GOLGA2: variants seen among roughly 807,000 people sequenced by gnomAD.
The protein encoded by GOLGA2 is golgin A2.
In GOLGA2, 49 loss-of-function variants were observed where a neutral mutation model predicts 148.8. The ratio of observed to expected loss-of-function variants is 0.33; its 90% CI spans 0.26 to 0.42. The LOEUF is 0.42. GOLGA2 is among the 10% of genes least tolerant of loss of function. The pLI is 1.00. For missense variants in GOLGA2, 1,178 were observed against 1,304.6 expected (o/e 0.90, Z 1.49); for synonymous variants, 501 against 511.8 (o/e 0.98, Z 0.28).
At position 128,265,610 on chromosome 9, in the gene GOLGA2, G is replaced by A; in HGVS notation, c.908C>T (p.Ser303Phe). The A allele has an allele frequency of 3.7e-6, 6 of 1,612,748 alleles. No individual in the cohort carries two copies. Among genetic ancestry groups the A allele is most frequent in the Non-Finnish European group, 5.1e-6 (6 of 1,179,048 alleles). Residue 303 changes from serine to phenylalanine, a missense_variant, in exon 12 of 27, where the codon TCC (serine) becomes TTC (phenylalanine). Transcript: ENST00000611957. The stretch of plus-strand genomic sequence containing the variant: ...CCTGTCTGCCTTCTTCTGCTGCGTG[G>A]AGACAGCAGAGAGAGCCCGCTCCAA... ...GELERALSAV[S>F]TQQKKADRYN...
At position 128,257,677 on chromosome 9, in the gene GOLGA2, C is replaced by G; in HGVS notation, c.2642G>C (p.Arg881Thr). ...CCGGTGCCGCTCCTTCAGCACTGCCCTCTGGCTCTGGTACAGTGCAATGTA... is the reference window on the plus strand; with the variant it reads ...CCGGTGCCGCTCCTTCAGCACTGCCGTCTGGCTCTGGTACAGTGCAATGTA... Reference protein sequence around the residue: ...GEYIALYQSQRAVLKERHREK... With the variant: ...GEYIALYQSQTAVLKERHREK... The change falls in exon 25 of 27, where the codon AGG (arginine) becomes ACG (threonine). Residue 881 changes from arginine (R) to threonine (T), a missense_variant. Coordinates refer to ENST00000611957, the MANE Select transcript of GOLGA2 (RefSeq NM_001366244.2). This position sits in a 1 kb window ranked among gnomAD's most constrained non-coding sequence, Gnocchi z 8.0. 6.2e-7 allele frequency: 1 copy of G among 1,614,190 alleles called. No individual in the cohort carries two copies. Among genetic ancestry groups the G allele is most frequent in the Non-Finnish European group, 8.5e-7 (1 of 1,180,022 alleles).
rs1350437443 is a variant in GOLGA2, at chr9:128,271,886, G to A, written c.288+899C>T. On this transcript the variant is annotated intron_variant, in intron 3 of 26. Coordinates refer to ENST00000611957, the MANE Select transcript of GOLGA2 (RefSeq NM_001366244.2). The surrounding 1 kb of genome is among the most constrained non-coding windows in gnomAD (Gnocchi z 4.4). ...CTAAATGTCCATTTGGAGAGATTAG[G>A]GGCAGAACGTCTTGGTCACTCATCT... Among the ~76,000 whole-genome samples the A allele has an allele frequency of 2.0e-5, 3 of 152,008 alleles. No individual in the cohort carries two copies. The highest frequency in any genetic ancestry group is 7.3e-5 in the African/African-American group (3 of 41,378).
intron 6 of GOLGA2, 51 bp downstream of exon 6, chr9:128,267,883 A>G (rs765416612): frequency 7.0e-5 from 96 of 1,364,342 alleles, no homozygotes; most frequent in Non-Finnish European, 1.4e-5. Context: ...TTCAGTTTCT[A>G]TCATAGTTCC....
chr9:128,258,954 G>T lies in GOLGA2; in HGVS notation c.2173+53C>A. ...ACTCCTCAATTCTACGCTGCTAACA[G>T]TCCCCCCTTCTTCCTGGGGCTCTCT... On this transcript the variant is annotated intron_variant, in intron 21 of 26. Coordinates refer to ENST00000611957, the MANE Select transcript of GOLGA2 (RefSeq NM_001366244.2). This position sits in a 1 kb window ranked among gnomAD's most constrained non-coding sequence, Gnocchi z 6.6. 1 of 1,154,224 alleles carries T rather than the reference G, an allele frequency of 8.7e-7. No homozygotes were observed. The highest frequency in any genetic ancestry group is 1.3e-6 in the Non-Finnish European group (1 of 770,252). The allele number at this position is 1,154,224 out of a possible 1,614,324, so 71.5% of individuals were successfully genotyped here. A position where few individuals can be genotyped will look rare whatever the true frequency, so the allele number is the denominator to read the frequency against.
At position 128,264,974 on chromosome 9, in the gene GOLGA2, G is replaced by A. The variant is rs118174851; in HGVS notation, c.933+611C>T. On this transcript the variant is annotated intron_variant, in intron 12 of 26. Transcript: ENST00000611957. ...GCCTAAGATCACTTAGACAGAGCTC[G>A]GATTTGAACACCCAGGTATATCTGA... Among the ~76,000 whole-genome samples the A allele has an allele frequency of 3.0e-3, 450 of 152,232 alleles. 2 individuals carry two copies. Among genetic ancestry groups the A allele is most frequent in the Non-Finnish European group, 4.9e-3 (333 of 68,012 alleles).
chr9:128,268,052 T>C, intron 5 of GOLGA2, 55 bp from the exon 6 acceptor site: 2 of 1,596,590 alleles, frequency 1.3e-6, no homozygotes, highest in Admixed American at 3.3e-5. Context: ...GGAAAGAAGG[T>C]CATGGGCAGT....
intron 1 of GOLGA2, chr9:128,275,461 A>G (rs1588496590): frequency 7.7e-7 from 1 of 1,298,662 alleles, no homozygotes; most frequent in Non-Finnish European, 9.8e-7. Context: ...CCCGAGACCA[A>G]AGAACCCCGG....
intron 19 of GOLGA2, 33 bp from the exon 20 acceptor site, chr9:128,259,424 GT>G (rs1294504997): frequency 7.3e-7 from 1 of 1,377,132 alleles, no homozygotes; most frequent in Middle Eastern, 2.5e-4. Flanking sequence ...AGGGCAGGTG[GT>G]GGCCTGCTTC....
chr9:128,273,112 A>C (rs1357310998), intron 2 of GOLGA2, among the ~76,000 whole-genome samples: 1 of 152,248 alleles, frequency 6.6e-6, no homozygotes, highest in East Asian at 1.9e-4. Context: ...GAGTCACCTG[A>C]CCAATGCAGC....
chr9:128,274,160 T>C (rs1412366309), intron 1 of GOLGA2, among the ~76,000 whole-genome samples, 188 bp from the exon 2 acceptor site: 2 of 152,200 alleles, frequency 1.3e-5, no homozygotes, highest in African/African-American at 4.8e-5. Flanking sequence ...AAGGCAAGAA[T>C]TGAACTTAAA....
chr9:128,266,196 G>A lies in GOLGA2; in HGVS notation c.681+91C>T. 7.3e-7 allele frequency: 1 copy of A among 1,378,940 alleles called. No individual in the cohort carries two copies. Among genetic ancestry groups the A allele is most frequent in the South Asian group, 1.2e-5 (1 of 86,356 alleles). The allele number at this position is 1,378,940 out of a possible 1,614,324, so 85.4% of individuals were successfully genotyped here. A position where few individuals can be genotyped will look rare whatever the true frequency, so the allele number is the denominator to read the frequency against. On this transcript the variant is annotated intron_variant, in intron 9 of 26. Coordinates refer to ENST00000611957, the MANE Select transcript of GOLGA2 (RefSeq NM_001366244.2). This position sits in a 1 kb window ranked among gnomAD's most constrained non-coding sequence, Gnocchi z 4.2. ...GGGGGTGAGCCTTCTTCCCCAGGCT[G>A]GGAGTGGGTGAGACGAGACTGAGGC...
chr9:128,266,188 C>A lies in GOLGA2; in HGVS notation c.681+99G>T. The A allele has an allele frequency of 7.2e-7, 1 of 1,389,076 alleles. No individual in the cohort carries two copies. 86.0% of individuals were successfully genotyped at this position (1,389,076 alleles called of 1,614,324 possible). A position where few individuals can be genotyped will look rare whatever the true frequency, so the allele number is the denominator to read the frequency against. On this transcript the variant is annotated intron_variant, in intron 9 of 26. Coordinates refer to ENST00000611957, the MANE Select transcript of GOLGA2 (RefSeq NM_001366244.2). The surrounding 1 kb of genome is among the most constrained non-coding windows in gnomAD (Gnocchi z 4.2). ...GAATCTGGGGGGGTGAGCCTTCTTC[C>A]CCAGGCTGGGAGTGGGTGAGACGAG...
chr9:128,267,297 G>C (rs1830649066), intron 7 of GOLGA2, 23 bp from the exon 8 acceptor site: 1 of 1,543,912 alleles, frequency 6.5e-7, no homozygotes, highest in South Asian at 1.1e-5. Context: ...CAGAGAGGAG[G>C]AGTTGGAGGA....
rs143490115 is a variant in GOLGA2 at position 128,266,547 on chromosome 9, G to A, written c.643-222C>T. 2.5e-3 allele frequency: 1,521 copies of A among 598,826 alleles called. 14 individuals carry two copies. The highest frequency in any genetic ancestry group is 0.025 in the African/African-American group (1,329 of 53,856). The allele number at this position is 598,826 out of a possible 1,614,324, so 37.1% of individuals were successfully genotyped here. A position where few individuals can be genotyped will look rare whatever the true frequency, so the allele number is the denominator to read the frequency against. The stretch of plus-strand genomic sequence containing the variant: ...CCACAGAACTGAAAGTCTGAATCTC[G>A]ATTCTCTTGAAAGGACAGTAACATA... On this transcript the variant is annotated intron_variant, in intron 8 of 26. Coordinates refer to ENST00000611957, the MANE Select transcript of GOLGA2 (RefSeq NM_001366244.2). This position sits in a 1 kb window ranked among gnomAD's most constrained non-coding sequence, Gnocchi z 4.2.
chr9:128,260,515 G>A lies in GOLGA2; in HGVS notation c.1708C>T (p.Arg570Trp), dbSNP rs748974259. Residue 570 changes from arginine to tryptophan, a missense_variant, in exon 18 of 27, where the codon CGG becomes TGG. Physicochemically the swap from Arg to Trp is moderately radical, Grantham distance 101 (BLOSUM62 -3). Coordinates refer to ENST00000611957, the MANE Select transcript of GOLGA2 (RefSeq NM_001366244.2). This position sits in a 1 kb window ranked among gnomAD's most constrained non-coding sequence, Gnocchi z 4.8. ...TTISRALSQN[R>W]ELKEQLAELQ... ...TCAGCCAGCTGCTCCTTGAGCTCCC[G>A]GTTCTGGGAGAGTGCGCGGCTGATG... 1.3e-5 allele frequency: 21 copies of A among 1,613,150 alleles called. No homozygotes were observed. The highest frequency in any genetic ancestry group is 1.6e-5 in the Non-Finnish European group (19 of 1,179,764).
chr9:128,267,500 A>G lies in GOLGA2; in HGVS notation c.519T>C (p.Asn173=). 1 of 1,613,196 alleles carries G rather than the reference A, an allele frequency of 6.2e-7. No individual in the cohort carries two copies. Among genetic ancestry groups the G allele is most frequent in the Non-Finnish European group, 8.5e-7 (1 of 1,179,148 alleles). The part of the protein sequence containing the change: ...GLVCESATCV[N]GEGPASSANL... ...TAGCAGACGATGCAGGGCCCTCCCC[A>G]TTGACACATGTCGCAGACTATAAGA... Residue 173 remains asparagine, a synonymous_variant, in exon 7 of 27, where the codon AAT becomes AAC. Coordinates refer to ENST00000611957, the MANE Select transcript of GOLGA2 (RefSeq NM_001366244.2).
chr9:128,259,207 G>A lies in GOLGA2; in HGVS notation c.2057C>T (p.Ala686Val), dbSNP rs778302995. The A allele has an allele frequency of 1.9e-5, 30 of 1,588,222 alleles. No individual in the cohort carries two copies. In the African/African-American group the frequency reaches 2.4e-4, roughly 13 times the overall value. Residue 686 changes from alanine to valine, a missense_variant, in exon 20 of 27, where the codon GCG (alanine) becomes GTG (valine). By Grantham distance (64) the Ala-to-Val change is moderately conservative. Around this residue, in one of 5 missense-constraint regions of GOLGA2, gnomAD observed 529 missense variants for 521.8 expected, o/e 1.01. Coordinates refer to ENST00000611957, the MANE Select transcript of GOLGA2 (RefSeq NM_001366244.2). ...QLQQQEAQGK[A>V]VAEMARQELQ... is the part of the protein sequence containing the mutation. ...CTCTTGGCGGGCCATCTCGGCCACCGCTTTGCCCTGAGCTTCCTGCTGCTG... is the reference window on the plus strand; with the variant it reads ...CTCTTGGCGGGCCATCTCGGCCACCACTTTGCCCTGAGCTTCCTGCTGCTG...
rs1480223178 is a variant in GOLGA2, at chr9:128,257,038, C to T, written c.*29G>A. On this transcript the variant is annotated 3_prime_UTR_variant, in exon 27 of 27. Coordinates refer to ENST00000611957, the MANE Select transcript of GOLGA2 (RefSeq NM_001366244.2). The surrounding 1 kb of genome is among the most constrained non-coding windows in gnomAD (Gnocchi z 8.0). ...GGGGGCAGGGTATCCAGCCCCACTT[C>T]TTCAGGCTTTGCTGACAGTAGCCGG... 1 of 1,554,294 alleles carries T rather than the reference C, an allele frequency of 6.4e-7. No homozygotes were observed. The highest frequency in any genetic ancestry group is 8.8e-7 in the Non-Finnish European group (1 of 1,130,334).
intron 3 of GOLGA2, 93 bp downstream of exon 3, chr9:128,272,692 G>T: frequency 3.3e-6 from 1 of 303,310 alleles, no homozygotes; most frequent in Non-Finnish European, 6.2e-6. Context: ...CATAAAATAA[G>T]CCAGAGGCAA....
Sources: allele counts gnomAD v4.1 joint callset (sites outside exome capture counted in the v4.1 genomes callset), GRCh38; gene constraint gnomAD v4.1.1; regional missense constraint gnomAD v4.1.1; non-coding constraint Gnocchi (gnomAD v3.1); transcripts MANE v1.5; gene names NCBI Gene and HGNC (gene_info 2026-07-23, HGNC 2026-07-21).